Variants in ARHGAP21 observed in about 807,000 individuals in gnomAD.
The protein encoded by ARHGAP21 is rho GTPase-activating protein 21.
ARHGAP21 carries 38 observed loss-of-function variants against 164.6 expected under a neutral mutation model. That is an observed-to-expected ratio of 0.23 (90% confidence interval 0.18 to 0.30). The LOEUF is 0.30. Among genes scored for constraint, ARHGAP21 ranks in the 10% least tolerant of loss-of-function variants. The probability of loss-of-function intolerance (pLI) is 1.00; values close to 1 mark genes in which losing one functional copy is unlikely to be tolerated. For synonymous variants in ARHGAP21, 766 were observed against 857.9 expected (o/e 0.89, Z 1.87); for missense variants, 1,822 against 2,370.7 (o/e 0.77, Z 4.81).
At chr10:24,683,940 T>C (rs1842003551) in intron 2 of ARHGAP21, among the ~76,000 whole-genome samples, 1 of 152,194 alleles carries the variant, frequency 6.6e-6, no homozygotes. Flanking sequence ...AAAAATACTT[T>C]ATAAAGTAAT....
intron 4 of ARHGAP21, among the ~76,000 whole-genome samples, chr10:24,666,174 C>T (rs557630785): frequency 3.3e-5 from 5 of 152,244 alleles, no homozygotes; most frequent in Admixed American, 6.5e-5. Flanking sequence ...GGATTACAGG[C>T]GCCCGCCACC....
chr10:24,678,330 C>T (rs1366767896), intron 2 of ARHGAP21, among the ~76,000 whole-genome samples: 1 of 152,072 alleles, frequency 6.6e-6, no homozygotes, highest in Non-Finnish European at 1.5e-5. Context: ...AGTGTATATA[C>T]CCACCATACC....
rs146224065 is a variant in ARHGAP21 at position 24,627,104 on chromosome 10, C to T, written c.495+2892G>A. On this transcript the variant is annotated intron_variant, in intron 7 of 25. Coordinates refer to ENST00000396432, the MANE Select transcript of ARHGAP21 (RefSeq NM_020824.4). ...CCACCTCTCAAAGGTGAGCAGAGCA[C>T]TTCTAAAATAATTTGGTCTGTATAT... is the stretch of plus-strand genomic sequence containing the variant. Among the ~76,000 whole-genome samples, 177 of 152,244 alleles carry T rather than the reference C, an allele frequency of 1.2e-3. 2 individuals are homozygous for T. The highest frequency in any genetic ancestry group is 4.0e-3 in the African/African-American group (166 of 41,554).
At chr10:24,627,834 A>G (rs941414445) in intron 7 of ARHGAP21, among the ~76,000 whole-genome samples, 1 of 152,230 alleles carries the variant, frequency 6.6e-6, no homozygotes, top group Non-Finnish European at 1.5e-5. Context: ...GCTGCTCTTC[A>G]TCAATCACAC....
At chr10:24,638,911 C>T (rs1284447786) in intron 4 of ARHGAP21, among the ~76,000 whole-genome samples, 1 of 152,102 alleles carries the variant, frequency 6.6e-6, no homozygotes, top group Non-Finnish European at 1.5e-5. Flanking sequence ...ATAAAAAGCA[C>T]ATGTAAATTT....
intron 4 of ARHGAP21, among the ~76,000 whole-genome samples, chr10:24,656,173 A>C (rs1205776854): frequency 7.6e-6 from 1 of 130,928 alleles, no homozygotes; most frequent in Admixed American, 7.5e-5. Context: ...GGGGGGGGTC[A>C]GCCCCCCGCC....
intron 4 of ARHGAP21, among the ~76,000 whole-genome samples, chr10:24,656,052 G>A (rs1295960546): frequency 1.2e-4 from 18 of 146,846 alleles, no homozygotes; most frequent in Non-Finnish European, 1.9e-4. Context: ...GAGCCCCTCC[G>A]CCCGGCAGCT....
intron 2 of ARHGAP21, among the ~76,000 whole-genome samples, chr10:24,717,371 T>C (rs563758454): frequency 6.6e-6 from 1 of 152,320 alleles, no homozygotes; most frequent in East Asian, 1.9e-4. Flanking sequence ...ACAAACATGG[T>C]CCCTGCTCTT....
chr10:24,652,717 C>T (rs1193923170), intron 4 of ARHGAP21, among the ~76,000 whole-genome samples: 2 of 152,218 alleles, frequency 1.3e-5, no homozygotes, highest in East Asian at 3.8e-4. Flanking sequence ...ATAGTCCACA[C>T]CACTGTACAT....
intron 2 of ARHGAP21, among the ~76,000 whole-genome samples, chr10:24,671,884 A>ATTTTTTTTT (rs35692163): frequency 1.2e-5 from 1 of 82,494 alleles, no homozygotes; most frequent in Admixed American, 1.5e-4. Context: ...CATCAAGCTA[A>ATTTTTTTTT]TTTTTTTTTT....
At chr10:24,700,083 C>G (rs1228125052) in intron 2 of ARHGAP21, among the ~76,000 whole-genome samples, 1 of 152,140 alleles carries the variant, frequency 6.6e-6, no homozygotes, top group East Asian at 1.9e-4. Flanking sequence ...CAGAAGCGGT[C>G]TGGCTGGATT....
At chr10:24,715,556 G>C (rs1471150927) in intron 2 of ARHGAP21, among the ~76,000 whole-genome samples, 1 of 152,026 alleles carries the variant, frequency 6.6e-6, no homozygotes, top group Non-Finnish European at 1.5e-5. Context: ...CTTGGTTACT[G>C]TTACTTGGTT....
intron 25 of ARHGAP21, among the ~76,000 whole-genome samples, chr10:24,589,011 T>C (rs1175236142): frequency 6.6e-6 from 1 of 152,188 alleles, no homozygotes; most frequent in Non-Finnish European, 1.5e-5. Context: ...AGGACCTAAT[T>C]TTCACATTAA....
chr10:24,624,339 T>C (rs1171595030), intron 7 of ARHGAP21, among the ~76,000 whole-genome samples: 1 of 133,332 alleles, frequency 7.5e-6, no homozygotes, highest in African/African-American at 2.9e-5. Flanking sequence ...TTCTAGAACT[T>C]TTTTTTTTTT....
At chr10:24,603,088 C>A (rs1332766136) in intron 12 of ARHGAP21, among the ~76,000 whole-genome samples, 1 of 152,094 alleles carries the variant, frequency 6.6e-6, no homozygotes, top group Non-Finnish European at 1.5e-5. Flanking sequence ...TCAAGGATAG[C>A]CATGTAAACT....
Position 24,682,692 on chromosome 10 carries a change from TTC to T in ARHGAP21, c.64-12297_64-12296del, listed in dbSNP as rs1191621323. ...AGAGTTTCTAATTTTAAAGATTTCT[TTC>T]TCTTTTTTTTTTTGTCAATAAAGGT... On this transcript the variant is annotated intron_variant, in intron 2 of 25. Coordinates refer to ENST00000396432, the MANE Select transcript of ARHGAP21 (RefSeq NM_020824.4). 1.6e-4 allele frequency among the ~76,000 whole-genome samples: 24 copies of T among 152,118 alleles called. 1 individual carries two copies. The highest frequency in any genetic ancestry group is 2.6e-4 in the Non-Finnish European group (18 of 68,026).
At position 24,595,110 on chromosome 10, in the gene ARHGAP21, T is replaced by C; in HGVS notation, c.3786+7A>G. On this transcript the variant is annotated splice_region_variant and intron_variant, in intron 20 of 25. Transcript: ENST00000396432. ...TTGTATCCCCCAAAATATAAAATAA[T>C]ACCTACTAGTCTTTTTAATGTTTTC... 1.9e-6 allele frequency: 3 copies of C among 1,609,024 alleles called. No homozygotes were observed. The highest frequency in any genetic ancestry group is 2.5e-6 in the Non-Finnish European group (3 of 1,176,744).
intron 2 of ARHGAP21, among the ~76,000 whole-genome samples, chr10:24,711,145 G>A (rs1844768336): frequency 6.9e-6 from 1 of 144,678 alleles, no homozygotes; most frequent in Non-Finnish European, 1.5e-5. Context: ...AAGGAGGGAG[G>A]GAGGGTGGGA....
intron 4 of ARHGAP21, among the ~76,000 whole-genome samples, chr10:24,654,409 G>A (rs997392191): frequency 1.3e-5 from 2 of 152,222 alleles, no homozygotes; most frequent in African/African-American, 4.8e-5. Context: ...TCCTTAGGCT[G>A]ATAAGCAAAT....
Sources: gnomAD v4.1 joint callset for allele counts (sites outside exome capture counted in the v4.1 genomes callset) on GRCh38, gnomAD v4.1.1 for gene constraint, MANE v1.5 for transcripts, NCBI Gene and HGNC (gene_info 2026-07-23, HGNC 2026-07-21) for gene names.